IPPK: variants seen among roughly 807,000 people sequenced by gnomAD.
IPPK encodes inositol-pentakisphosphate 2-kinase, also known as IPK1 homolog.
Under a neutral mutation model 64.6 loss-of-function variants are expected in IPPK, and 22 were observed. The observed-to-expected ratio is 0.34, with a 90% CI of 0.24 to 0.49. IPPK has a LOEUF of 0.49. Among genes scored for constraint, IPPK ranks in the 20% least tolerant of loss-of-function variants. The probability of loss-of-function intolerance (pLI) is 0.99; values close to 1 mark genes in which losing one functional copy is unlikely to be tolerated. For missense variants in IPPK, 532 were observed against 630.7 expected, an observed-to-expected ratio of 0.84 and a Z score of 1.68; for synonymous variants, 262 against 247.2, an observed-to-expected ratio of 1.06 and a Z score of -0.56.
At chr9:92,633,287 A>G (rs1476078001) in intron 11 of IPPK, among the ~76,000 whole-genome samples, 1 of 151,948 alleles carries the variant, frequency 6.6e-6, no homozygotes, top group East Asian at 1.9e-4. Context: ...CTGGGTTTAC[A>G]GGCGTGAGCC....
At position 92,644,859 on chromosome 9, in the gene IPPK, T is replaced by C. The variant is rs78033123; in HGVS notation, c.505-2049A>G. On this transcript the variant is annotated intron_variant, in intron 6 of 12. Transcript: ENST00000287996. ...TCAAATGCCCACTTTCAACCTATCA[T>C]CACAAAACACGCAAAGAAACAAGAA... Among the ~76,000 whole-genome samples, 862 of 152,144 alleles carry C rather than the reference T, an allele frequency of 5.7e-3. 4 individuals are homozygous for C. The highest frequency in any genetic ancestry group is 8.1e-3 in the Non-Finnish European group (554 of 68,002).
chr9:92,664,112 G>A (rs530589592), intron 1 of IPPK, among the ~76,000 whole-genome samples: 1 of 152,232 alleles, frequency 6.6e-6, no homozygotes, highest in African/African-American at 2.4e-5. Context: ...GCTGCCCGGG[G>A]TCTGTCAGTC....
At chr9:92,653,588 A>G (rs1243832967) in intron 3 of IPPK, among the ~76,000 whole-genome samples, 1 of 152,264 alleles carries the variant, frequency 6.6e-6, no homozygotes, top group African/African-American at 2.4e-5. Context: ...GCGTTGGCTC[A>G]TGCCTGTAAT....
At chr9:92,620,431 ACT>A (rs143866989) in intron 11 of IPPK, 4 of 151,980 alleles carry the variant, frequency 2.6e-5, no homozygotes, top group African/African-American at 4.8e-5. Context: ...AATGTGAGGC[ACT>A]CTCTCCTCTT....
intron 11 of IPPK, among the ~76,000 whole-genome samples, chr9:92,626,173 G>A (rs974903192): frequency 2.6e-5 from 4 of 152,034 alleles, no homozygotes; most frequent in Non-Finnish European, 5.9e-5. Context: ...TGAGGTGGGC[G>A]GATCACAAGG....
At chr9:92,662,251 C>T (rs764601172) in intron 1 of IPPK, among the ~76,000 whole-genome samples, 5 of 152,168 alleles carry the variant, frequency 3.3e-5, no homozygotes, top group African/African-American at 1.2e-4. Context: ...AAGGGCCAGG[C>T]GCGGTGGCTC....
intron 1 of IPPK, among the ~76,000 whole-genome samples, chr9:92,668,076 T>C (rs1852637844): frequency 6.6e-6 from 1 of 152,066 alleles, no homozygotes; most frequent in Non-Finnish European, 1.5e-5. Context: ...GAGACCAGCC[T>C]GGTCAACACG....
At chr9:92,628,370 C>G (rs535584946) in intron 11 of IPPK, among the ~76,000 whole-genome samples, 1 of 152,318 alleles carries the variant, frequency 6.6e-6, no homozygotes, top group East Asian at 1.9e-4. Flanking sequence ...TCACAACAAT[C>G]TTGAAAACAA....
chr9:92,628,069 T>G (rs1352847588), intron 11 of IPPK, among the ~76,000 whole-genome samples: 1 of 152,112 alleles, frequency 6.6e-6, no homozygotes, highest in African/African-American at 2.4e-5. Context: ...AATCTGAAAA[T>G]GGAATTCAGA....
intron 1 of IPPK, among the ~76,000 whole-genome samples, chr9:92,668,662 A>G (rs947655762): frequency 2.0e-5 from 3 of 152,236 alleles, no homozygotes; most frequent in Non-Finnish European, 4.4e-5. Flanking sequence ...TCACGCAGAA[A>G]CATCCCTCAC....
intron 9 of IPPK, among the ~76,000 whole-genome samples, chr9:92,636,198 G>T (rs1262141809): frequency 2.0e-5 from 3 of 152,134 alleles, no homozygotes; most frequent in Admixed American, 6.5e-5. Context: ...CCATGCAGGG[G>T]GAAAACTGTA....
intron 11 of IPPK, among the ~76,000 whole-genome samples, chr9:92,623,000 C>A (rs1013717965): frequency 4.6e-5 from 7 of 151,962 alleles, no homozygotes; most frequent in Admixed American, 2.6e-4. Context: ...ATGTGAAAGA[C>A]AAAACAATAA....
At chr9:92,631,923 T>G (rs1355678898) in intron 11 of IPPK, among the ~76,000 whole-genome samples, 1 of 152,196 alleles carries the variant, frequency 6.6e-6, no homozygotes. Flanking sequence ...TGCCAACCCC[T>G]GGCAACCACA....
chr9:92,626,410 G>T (rs1364831490), intron 11 of IPPK, among the ~76,000 whole-genome samples: 1 of 151,916 alleles, frequency 6.6e-6, no homozygotes, highest in African/African-American at 2.4e-5. Context: ...AACAAAAAAA[G>T]AACTACTGAA....
intron 1 of IPPK, among the ~76,000 whole-genome samples, chr9:92,659,069 T>A (rs1852429330): frequency 4.6e-5 from 7 of 152,226 alleles, no homozygotes; most frequent in Admixed American, 4.6e-4. Flanking sequence ...GATTTGTGGT[T>A]ATCACATACT....
chr9:92,616,037 A>T lies in IPPK; in HGVS notation c.1271T>A (p.Val424Asp). 1 of 1,614,010 alleles carries T rather than the reference A, an allele frequency of 6.2e-7. No homozygotes were observed. Among genetic ancestry groups the T allele is most frequent in the Non-Finnish European group, 8.5e-7 (1 of 1,179,912 alleles). ...GGCAAACCTGGACCTCGATGAAGGG[A>T]CGACAGGCCTTTGATCAGAGCTGCA... ...QDASSDQRPV[V>D]PSSRSRFAFS... is the part of the protein sequence containing the mutation. Residue 424 changes from valine to aspartate, a missense_variant, in exon 13 of 13, where the codon GTC becomes GAC. Val to Asp is a radical substitution (Grantham distance 152). Transcript: ENST00000287996.
chr9:92,623,040 T>C (rs952678859), intron 11 of IPPK, among the ~76,000 whole-genome samples: 7 of 152,036 alleles, frequency 4.6e-5, no homozygotes, highest in Non-Finnish European at 8.8e-5. Context: ...GGAAAATATC[T>C]TCAGGACCTT....
intron 9 of IPPK, among the ~76,000 whole-genome samples, chr9:92,636,228 A>G (rs1851940365): frequency 6.6e-6 from 1 of 152,236 alleles, no homozygotes; most frequent in African/African-American, 2.4e-5. Flanking sequence ...AGATTTCACT[A>G]GGACCCGGCA....
At position 92,635,335 on chromosome 9, in the gene IPPK, G is replaced by A. The variant is rs759826775; in HGVS notation, c.917-27C>T. 43 of 1,599,054 alleles carry A rather than the reference G, an allele frequency of 2.7e-5. No homozygotes were observed. The highest frequency in any genetic ancestry group is 4.5e-5 in the East Asian group (2 of 44,726). ...TACCGAGAACATCAGGGGAAAACGA[G>A]AGCATGTTGATTATCAAAGAACGTG... is the stretch of plus-strand genomic sequence containing the variant. On this transcript the variant is annotated intron_variant, in intron 9 of 12. Transcript: ENST00000287996. The surrounding 1 kb of genome is among the most constrained non-coding windows in gnomAD (Gnocchi z 4.4).
Sources: gnomAD v4.1 joint callset for allele counts (sites outside exome capture counted in the v4.1 genomes callset) on GRCh38, gnomAD v4.1.1 for gene constraint, Gnocchi (gnomAD v3.1) non-coding constraint, MANE v1.5 for transcripts, NCBI Gene and HGNC (gene_info 2026-07-23, HGNC 2026-07-21) for gene names.